COL22A1: variants seen among roughly 807,000 people sequenced by gnomAD.
The protein encoded by COL22A1 is collagen alpha-1(XXII) chain.
Under a neutral mutation model 248.9 loss-of-function variants are expected in COL22A1, and 221 were observed. The ratio of observed to expected loss-of-function variants is 0.89; its 90% CI spans 0.80 to 0.99. The LOEUF (loss-of-function observed/expected upper bound fraction) is 0.99, where lower values mean the gene tolerates loss of function less well. COL22A1 is among the 50% of genes least tolerant of loss of function. COL22A1 has a pLI of 0.00. For synonymous variants in COL22A1, 891 were observed against 793.4 expected (o/e 1.12, Z -2.07); for missense variants, 2,240 against 2,179.0 (o/e 1.03, Z -0.56).
intron 1 of COL22A1, among the ~76,000 whole-genome samples, chr8:138,893,591 A>G (rs1277307640): frequency 2.0e-5 from 3 of 152,236 alleles, no homozygotes; most frequent in Non-Finnish European, 4.4e-5. Context: ...ATTACATGAG[A>G]CAATGGATGT....
At chr8:138,888,700 G>A (rs1030509176) in intron 1 of COL22A1, among the ~76,000 whole-genome samples, 1 of 152,202 alleles carries the variant, frequency 6.6e-6, no homozygotes, top group Non-Finnish European at 1.5e-5. Flanking sequence ...GAACACATAA[G>A]GGCAGTCAGG....
At chr8:138,844,057 C>T (rs1224653272) in intron 4 of COL22A1, 27 bp downstream of exon 4, 4 of 1,601,286 alleles carry the variant, frequency 2.5e-6, no homozygotes, top group East Asian at 4.5e-5. Flanking sequence ...CCAAAGCAAG[C>T]ACACGTGGTT....
chr8:138,912,074 C>G (rs1815489450), intron 1 of COL22A1, among the ~76,000 whole-genome samples: 2 of 152,130 alleles, frequency 1.3e-5, no homozygotes, highest in Non-Finnish European at 2.9e-5. Context: ...GCATGCTCAC[C>G]ACGTACCAGA....
intron 56 of COL22A1, among the ~76,000 whole-genome samples, chr8:138,613,666 G>T (rs941368719): frequency 6.6e-5 from 10 of 151,766 alleles, no homozygotes; most frequent in Non-Finnish European, 7.4e-5. Flanking sequence ...ATATTGTTGT[G>T]GGGGATGGTC....
intron 32 of COL22A1, among the ~76,000 whole-genome samples, chr8:138,696,907 T>G (rs1168327441): frequency 2.6e-5 from 4 of 152,204 alleles, no homozygotes; most frequent in Admixed American, 6.5e-5. Flanking sequence ...TGGTGGGGAT[T>G]TGCAAGTCTT....
chr8:138,767,738 A>G (rs1435788075), intron 16 of COL22A1, among the ~76,000 whole-genome samples: 1 of 152,180 alleles, frequency 6.6e-6, no homozygotes, highest in Non-Finnish European at 1.5e-5. Flanking sequence ...CAAAGCCCAC[A>G]GAGCCCCTCC....
chr8:138,678,314 C>T (rs747196249), intron 40 of COL22A1, among the ~76,000 whole-genome samples: 1 of 152,140 alleles, frequency 6.6e-6, no homozygotes, highest in Non-Finnish European at 1.5e-5. Flanking sequence ...ACTAGGTCTC[C>T]TTGACATCAT....
intron 4 of COL22A1, among the ~76,000 whole-genome samples, chr8:138,841,440 T>G (rs1485347541): frequency 6.6e-6 from 1 of 152,122 alleles, no homozygotes. Flanking sequence ...TGGAGGTGAC[T>G]GTTGAGTTGG....
intron 35 of COL22A1, among the ~76,000 whole-genome samples, chr8:138,692,403 G>T (rs62527926): frequency 1 from 149,626 of 149,706 alleles, 74,773 homozygotes; most frequent in Middle Eastern, 1. Context: ...ATGTACATGT[G>T]TGTGTATGTG....
intron 4 of COL22A1, among the ~76,000 whole-genome samples, chr8:138,837,284 A>C (rs891162024): frequency 2.6e-5 from 4 of 152,154 alleles, no homozygotes; most frequent in African/African-American, 9.7e-5. Flanking sequence ...TCCAGAGTGC[A>C]TGACTGGGAG....
chr8:138,721,529 G>T (rs964472663), intron 26 of COL22A1, among the ~76,000 whole-genome samples: 3 of 152,140 alleles, frequency 2.0e-5, no homozygotes, highest in Non-Finnish European at 2.9e-5. Flanking sequence ...TATTATGTTA[G>T]TAAGAGTATT....
intron 45 of COL22A1, among the ~76,000 whole-genome samples, chr8:138,651,693 A>T (rs766143288): frequency 2.0e-5 from 3 of 152,264 alleles, no homozygotes; most frequent in Non-Finnish European, 4.4e-5. Flanking sequence ...GATGAGATGC[A>T]TCCATGAAAC....
At chr8:138,656,268 T>C (rs1052299467) in intron 44 of COL22A1, among the ~76,000 whole-genome samples, 5 of 152,190 alleles carry the variant, frequency 3.3e-5, no homozygotes, top group Non-Finnish European at 5.9e-5. Flanking sequence ...TGATAGGTCA[T>C]ATGAGTACCG....
chr8:138,734,193 G>A (rs1315188804), intron 23 of COL22A1, among the ~76,000 whole-genome samples: 4 of 152,146 alleles, frequency 2.6e-5, no homozygotes, highest in Non-Finnish European at 4.4e-5. Flanking sequence ...TGTCTTCAAT[G>A]ACAGTCGTCT....
chr8:138,887,718 C>T (rs1824770662), intron 1 of COL22A1, among the ~76,000 whole-genome samples: 1 of 152,168 alleles, frequency 6.6e-6, no homozygotes, highest in Non-Finnish European at 1.5e-5. Flanking sequence ...AAGTCTTACC[C>T]ATGTGTAATT....
At position 138,651,355 on chromosome 8, in the gene COL22A1, G is replaced by A. The variant is rs73445450; in HGVS notation, c.3334-1577C>T. Among the ~76,000 whole-genome samples, 406 of 152,270 alleles carry A rather than the reference G, an allele frequency of 2.7e-3. 2 individuals are homozygous for A. Among genetic ancestry groups the A allele is most frequent in the African/African-American group, 9.4e-3 (392 of 41,556 alleles). On this transcript the variant is annotated intron_variant, in intron 45 of 64. Transcript: ENST00000303045. ...AATTATCTTTGCTTGCCAAATTCAT[G>A]GCAAATATTCTTCCACAGAGCATGA... is the stretch of plus-strand genomic sequence containing the variant.
Position 138,602,112 on chromosome 8 carries a change from C to A in COL22A1, c.4185+3G>T, listed in dbSNP as rs376178109. On this transcript the variant is annotated splice_donor_region_variant and intron_variant, in intron 60 of 64. Transcript: ENST00000303045. ...GTTCAAGGTGCCTGTGCTCTCCACT[C>A]ACCCTTTCTCCTTTGAATCCAGGCT... is the stretch of plus-strand genomic sequence containing the variant. 1 of 1,614,130 alleles carries A rather than the reference C, an allele frequency of 6.2e-7. No homozygotes were observed. The highest frequency in any genetic ancestry group is 1.1e-5 in the South Asian group (1 of 91,070).
chr8:138,685,231 CG>C lies in COL22A1; in HGVS notation c.2943del (p.Gly982GlufsTer20). ...ACCGGCTCTCCATCCTTCCCTTTTC[CG>C]GGTGGCCCAGGGAGCCCAGGAGCAC... ...DPGAPGLPGP[P>X]GKGKDGEPGL... is the part of the protein sequence containing the mutation. On this transcript the variant is annotated frameshift_variant, in exon 38 of 65. Transcript: ENST00000303045. LOFTEE classifies it high-confidence loss of function. 1 of 1,613,362 alleles carries C rather than the reference CG, an allele frequency of 6.2e-7. No individual in the cohort carries two copies. Among genetic ancestry groups the C allele is most frequent in the Non-Finnish European group, 8.5e-7 (1 of 1,179,534 alleles).
chr8:138,704,718 G>C (rs12548893), intron 30 of COL22A1, among the ~76,000 whole-genome samples: 3 of 152,002 alleles, frequency 2.0e-5, no homozygotes, highest in East Asian at 1.9e-4. Context: ...AGAGCGCCTC[G>C]CCTCCTCCAA....
Sources: gnomAD v4.1 joint callset for allele counts (sites outside exome capture counted in the v4.1 genomes callset) on GRCh38, gnomAD v4.1.1 for gene constraint, MANE v1.5 for transcripts, NCBI Gene and HGNC (gene_info 2026-07-23, HGNC 2026-07-21) for gene names.